ARMC2: variants seen among roughly 807,000 people sequenced by gnomAD.
The protein encoded by ARMC2 is armadillo repeat-containing protein 2.
In ARMC2, 67 loss-of-function variants were observed where a neutral mutation model predicts 90.3. The observed-to-expected ratio is 0.74, with a 90% CI of 0.61 to 0.91. The LOEUF (loss-of-function observed/expected upper bound fraction) is 0.91. Among genes scored for constraint, ARMC2 ranks in the 40% least tolerant of loss-of-function variants. The probability of loss-of-function intolerance (pLI) is 0.00; values close to 1 mark genes in which losing one functional copy is unlikely to be tolerated. For missense variants in ARMC2, 920 were observed against 1,030.9 expected, an observed-to-expected ratio of 0.89 and a Z score of 1.47; for synonymous variants, 393 against 393.0, an observed-to-expected ratio of 1.00 and a Z score of 0.00.
the ARMC2 span, among the ~76,000 whole-genome samples, chr6:109,003,233 C>G: frequency 6.6e-6 from 1 of 151,412 alleles, no homozygotes; most frequent in Non-Finnish European, 1.5e-5. Flanking sequence ...AGAATTTATA[C>G]AATTAAAGAT....
At chr6:108,910,878 G>A (rs1048976917) in intron 8 of ARMC2, 21 bp from the exon 9 acceptor site, 9 of 1,244,754 alleles carry the variant, frequency 7.2e-6, no homozygotes, top group Non-Finnish European at 1.0e-5. Context: ...CTGCAATAGA[G>A]ATGTGTTTCT....
intron 1 of ARMC2, among the ~76,000 whole-genome samples, chr6:108,853,559 G>A (rs1333055024): frequency 2.6e-5 from 4 of 152,072 alleles, no homozygotes; most frequent in Non-Finnish European, 5.9e-5. Flanking sequence ...TTAAAGTTCA[G>A]ATTTGTCTCC....
At chr6:109,021,292 CT>C in the ARMC2 span, among the ~76,000 whole-genome samples, 3 of 152,186 alleles carry the variant, frequency 2.0e-5, no homozygotes, top group South Asian at 6.2e-4. Context: ...CCACCATGTA[CT>C]TTAAAACAAA....
chr6:108,982,407 C>T, the ARMC2 span, among the ~76,000 whole-genome samples: 7 of 152,164 alleles, frequency 4.6e-5, no homozygotes, highest in African/African-American at 1.7e-4. Flanking sequence ...CATGAGGGCT[C>T]CACCCTCAAG....
chr6:108,933,202 T>C (rs1775717922), intron 11 of ARMC2, among the ~76,000 whole-genome samples: 2 of 152,200 alleles, frequency 1.3e-5, no homozygotes, highest in South Asian at 2.1e-4. Context: ...TCCATAAGCA[T>C]GGGATGTTTT....
chr6:108,967,145 C>T (rs1453436947), intron 17 of ARMC2, among the ~76,000 whole-genome samples: 1 of 152,210 alleles, frequency 6.6e-6, no homozygotes, highest in Non-Finnish European at 1.5e-5. Context: ...CCTTCTAGAT[C>T]ATGGCTTCAG....
intron 2 of ARMC2, among the ~76,000 whole-genome samples, chr6:108,855,707 C>T (rs1451777720): frequency 6.6e-6 from 1 of 152,328 alleles, no homozygotes; most frequent in African/African-American, 2.4e-5. Flanking sequence ...CCTGTTCCTC[C>T]ACATCCTAGC....
At chr6:109,005,859 T>C in the ARMC2 span, among the ~76,000 whole-genome samples, 10 of 152,244 alleles carry the variant, frequency 6.6e-5, no homozygotes, top group South Asian at 2.1e-4. Flanking sequence ...TCTTTTGTTA[T>C]AGATTCTAGT....
chr6:108,969,440 A>G (rs1036594474), intron 17 of ARMC2, among the ~76,000 whole-genome samples: 1 of 152,174 alleles, frequency 6.6e-6, no homozygotes, highest in Non-Finnish European at 1.5e-5. Context: ...TCTTTCTAAT[A>G]CTTTGCCCCA....
At chr6:108,930,269 A>G (rs1311146624) in intron 11 of ARMC2, among the ~76,000 whole-genome samples, 3 of 152,168 alleles carry the variant, frequency 2.0e-5, no homozygotes, top group Non-Finnish European at 4.4e-5. Context: ...ATATCCAAGA[A>G]TCTTGATGAA....
chr6:108,919,702 G>A (rs1019670135), intron 10 of ARMC2, among the ~76,000 whole-genome samples: 1 of 152,062 alleles, frequency 6.6e-6, no homozygotes. Context: ...AGAAAGCCAC[G>A]TAGCCCCTAC....
chr6:108,938,086 A>G (rs12204948), intron 12 of ARMC2, among the ~76,000 whole-genome samples: 1 of 152,176 alleles, frequency 6.6e-6, no homozygotes, highest in Admixed American at 6.5e-5. Flanking sequence ...TTAAAGTGAC[A>G]TCAACTTAGT....
intron 5 of ARMC2, among the ~76,000 whole-genome samples, chr6:108,891,583 A>G (rs1771030404): frequency 6.6e-6 from 1 of 151,954 alleles, no homozygotes; most frequent in Non-Finnish European, 1.5e-5. Flanking sequence ...TCCTTCATCC[A>G]CTTTTTGATG....
the ARMC2 span, among the ~76,000 whole-genome samples, chr6:109,032,327 GA>G: frequency 6.6e-6 from 1 of 151,628 alleles, no homozygotes; most frequent in East Asian, 1.9e-4. Context: ...CCCTGTACAT[GA>G]AAAGGTAAGG....
At chr6:109,023,398 T>C in the ARMC2 span, among the ~76,000 whole-genome samples, 58 of 152,368 alleles carry the variant, frequency 3.8e-4, no homozygotes, top group Non-Finnish European at 4.6e-4. Flanking sequence ...CTTCTACCAC[T>C]TGACAGTTTA....
At chr6:108,891,884 T>TA (rs1362190188) in intron 5 of ARMC2, among the ~76,000 whole-genome samples, 1 of 152,210 alleles carries the variant, frequency 6.6e-6, no homozygotes, top group Non-Finnish European at 1.5e-5. Flanking sequence ...TTTTAGGTCT[T>TA]ATGTTTAAGT....
intron 4 of ARMC2, among the ~76,000 whole-genome samples, chr6:108,873,486 T>C (rs1275419808): frequency 2.0e-5 from 3 of 152,182 alleles, no homozygotes. Flanking sequence ...TGGAACCCCT[T>C]GTTGTTCACC....
At chr6:108,896,392 A>G (rs1372780164) in intron 6 of ARMC2, among the ~76,000 whole-genome samples, 1 of 152,220 alleles carries the variant, frequency 6.6e-6, no homozygotes, top group African/African-American at 2.4e-5. Context: ...AGATTGAAAC[A>G]ACCTTATTAT....
At chr6:108,951,060 G>A (rs1270807291) in intron 12 of ARMC2, among the ~76,000 whole-genome samples, 1 of 152,208 alleles carries the variant, frequency 6.6e-6, no homozygotes, top group Non-Finnish European at 1.5e-5. Context: ...TGCTTTGCCT[G>A]TTGTATCTCA....
Sources: gnomAD v4.1 joint callset for allele counts (sites outside exome capture counted in the v4.1 genomes callset) on GRCh38, gnomAD v4.1.1 for gene constraint, MANE v1.5 for transcripts, NCBI Gene and HGNC (gene_info 2026-07-23, HGNC 2026-07-21) for gene names.